The following ITGA11 variants were observed in gnomAD, a reference collection of about 807,000 sequenced individuals.
ITGA11 encodes integrin subunit alpha 11, also known as integrin alpha-11.
Under a neutral mutation model 141.9 loss-of-function variants are expected in ITGA11, and 97 were observed. The observed-to-expected ratio is 0.68, with a 90% CI of 0.58 to 0.81. The LOEUF is 0.81. ITGA11 is among the 30% of genes least tolerant of loss of function. The pLI is 0.00. For missense variants in ITGA11, 1,387 were observed against 1,559.2 expected, an observed-to-expected ratio of 0.89 and a Z score of 1.86; for synonymous variants, 658 against 624.6, an observed-to-expected ratio of 1.05 and a Z score of -0.80.
Position 68,325,264 on chromosome 15 carries a change from G to A in ITGA11, c.2212-23C>T. On this transcript the variant is annotated intron_variant, in intron 17 of 29. Coordinates refer to ENST00000315757, the MANE Select transcript of ITGA11 (RefSeq NM_001004439.2). The surrounding 1 kb of genome is among the most constrained non-coding windows in gnomAD (Gnocchi z 5.5). ...GTCCTGGGGGGTGGAGATGAGGGCAGCGGTGAGGGAGGAGAGAACGTCATT... is the reference window on the plus strand; with the variant it reads ...GTCCTGGGGGGTGGAGATGAGGGCAACGGTGAGGGAGGAGAGAACGTCATT... 6.7e-7 allele frequency: 1 copy of A among 1,500,590 alleles called. No individual in the cohort carries two copies. Among genetic ancestry groups the A allele is most frequent in the South Asian group, 1.1e-5 (1 of 88,748 alleles). The allele number at this position is 1,500,590 out of a possible 1,614,324, so 93.0% of individuals were successfully genotyped here.
chr15:68,377,146 G>A (rs1895749317), intron 2 of ITGA11, among the ~76,000 whole-genome samples: 1 of 152,142 alleles, frequency 6.6e-6, no homozygotes, highest in African/African-American at 2.4e-5. Context: ...AAGAAAATAT[G>A]TAATAAATAA....
intron 16 of ITGA11, among the ~76,000 whole-genome samples, chr15:68,327,125 C>A (rs951219634): frequency 3.9e-5 from 6 of 151,968 alleles, no homozygotes; most frequent in African/African-American, 9.7e-5. Context: ...GTCAACAACC[C>A]CCTCCGCCTC....
At chr15:68,424,010 G>A (rs529182028) in intron 1 of ITGA11, among the ~76,000 whole-genome samples, 30 of 152,268 alleles carry the variant, frequency 2.0e-4, no homozygotes, top group African/African-American at 6.5e-4. Flanking sequence ...CCCCAGTGCC[G>A]GTGCATCTGT....
At chr15:68,320,636 C>A (rs1893773738) in intron 19 of ITGA11, among the ~76,000 whole-genome samples, 1 of 152,192 alleles carries the variant, frequency 6.6e-6, no homozygotes, top group Non-Finnish European at 1.5e-5. Flanking sequence ...TCCGCTGAAC[C>A]CAGAGCTCTT....
intron 11 of ITGA11, among the ~76,000 whole-genome samples, chr15:68,336,736 T>C (rs1216123772): frequency 6.6e-6 from 1 of 152,234 alleles, no homozygotes; most frequent in Non-Finnish European, 1.5e-5. Context: ...CCTGGGCTGT[T>C]TCTGGGGAAC....
intron 1 of ITGA11, among the ~76,000 whole-genome samples, chr15:68,405,501 TG>T (rs1312772596): frequency 2.6e-5 from 4 of 152,092 alleles, no homozygotes; most frequent in Non-Finnish European, 4.4e-5. Context: ...GTCATGGCCC[TG>T]GAGTGGGGGT....
chr15:68,312,351 TG>T (rs1282430726), intron 24 of ITGA11, among the ~76,000 whole-genome samples: 2 of 152,162 alleles, frequency 1.3e-5, no homozygotes, highest in African/African-American at 4.8e-5. Context: ...GAGAAGGTGA[TG>T]GCTGGAGCTG....
At chr15:68,379,952 T>C (rs181974716) in intron 2 of ITGA11, among the ~76,000 whole-genome samples, 1 of 152,354 alleles carries the variant, frequency 6.6e-6, no homozygotes, top group African/African-American at 2.4e-5. Flanking sequence ...TGATCTGGGC[T>C]GGTGTGCTTG....
chr15:68,431,137 G>A (rs573039513), intron 1 of ITGA11, among the ~76,000 whole-genome samples: 31 of 152,346 alleles, frequency 2.0e-4, no homozygotes, highest in Non-Finnish European at 3.4e-4. Flanking sequence ...TGGAGCCGGG[G>A]AGCCCGGTGT....
intron 2 of ITGA11, among the ~76,000 whole-genome samples, chr15:68,383,127 C>T (rs563634191): frequency 1.5e-4 from 23 of 152,202 alleles, no homozygotes; most frequent in African/African-American, 4.3e-4. Context: ...AAAGATTAGC[C>T]GGGCGTGGTG....
intron 10 of ITGA11, among the ~76,000 whole-genome samples, chr15:68,347,753 T>C (rs573983713): frequency 6.6e-6 from 1 of 152,336 alleles, no homozygotes; most frequent in South Asian, 2.1e-4. Flanking sequence ...TTGAATTCTT[T>C]ATGTGTAAAC....
intron 16 of ITGA11, 127 bp downstream of exon 16, chr15:68,327,969 C>T (rs577355656): frequency 5.8e-6 from 5 of 859,916 alleles, no homozygotes; most frequent in Admixed American, 5.4e-5. Flanking sequence ...CAGTAGTCAT[C>T]CAAGGTGGCT....
Position 68,328,202 on chromosome 15 carries a change from G to T in ITGA11, c.1962C>A (p.Ile654=). The T allele has an allele frequency of 6.2e-7, 1 of 1,613,974 alleles. No individual in the cohort carries two copies. Among genetic ancestry groups the T allele is most frequent in the Non-Finnish European group, 8.5e-7 (1 of 1,179,884 alleles). The change falls in exon 16 of 30, where the codon ATC becomes ATA. Residue 654 remains isoleucine, a synonymous_variant. Coordinates refer to ENST00000315757, the MANE Select transcript of ITGA11 (RefSeq NM_001004439.2). The surrounding 1 kb of genome is among the most constrained non-coding windows in gnomAD (Gnocchi z 4.8). ...SLHFEPSKIN[I]FHRDCKRSGR... is the part of the protein sequence containing the mutation. ...CACTGCGCTTGCAGTCTCTGTGGAA[G>T]ATGTTGATCTTGGATGGCTCAAAGT...
rs1238719280 is a variant in ITGA11 at position 68,297,779 on chromosome 15, CAT to C, written c.*5278_*5279del. 1 of 152,150 alleles carries C rather than the reference CAT, an allele frequency of 6.6e-6. No homozygotes were observed. The highest frequency in any genetic ancestry group is 2.4e-5 in the African/African-American group (1 of 41,426). 9.4% of individuals were successfully genotyped at this position (152,150 alleles called of 1,614,324 possible). ...GTGGTATTGGAGCACACCCTCAGGA[CAT>C]GTTTGTTTTCAAATTTAGATTCTCT... On this transcript the variant is annotated 3_prime_UTR_variant, in exon 30 of 30. Transcript: ENST00000315757.
rs560441351 is a variant in ITGA11 at position 68,424,371 on chromosome 15, C to T, written c.52+7644G>A. On this transcript the variant is annotated intron_variant, in intron 1 of 29. Transcript: ENST00000315757. ...ACCCTAGGCAAGTCATTTTCCTTCCCTGGAGAGTGTTTGGTTTTTTTTGCT... is the reference window on the plus strand; with the variant it reads ...ACCCTAGGCAAGTCATTTTCCTTCCTTGGAGAGTGTTTGGTTTTTTTTGCT... Among the ~76,000 whole-genome samples, 49 of 152,092 alleles carry T rather than the reference C, an allele frequency of 3.2e-4. 1 individual carries two copies. Among genetic ancestry groups the T allele is most frequent in the African/African-American group, 9.4e-4 (39 of 41,436 alleles).
In ITGA11 at chr15:68,325,368, G is replaced by T; in HGVS notation, c.2212-127C>A. The T allele has an allele frequency of 4.4e-6, 3 of 679,354 alleles. No individual in the cohort carries two copies. The South Asian group carries it at 5.1e-5, about 12-fold the overall frequency. 42.1% of individuals were successfully genotyped at this position (679,354 alleles called of 1,614,324 possible). ...CAGGGCAGCTGCCCTGTGCCCTCAG[G>T]GTGAGTCTGCAGGTGGATGGAGGTT... is the stretch of plus-strand genomic sequence containing the variant. On this transcript the variant is annotated intron_variant, in intron 17 of 29. Transcript: ENST00000315757. This position sits in a 1 kb window ranked among gnomAD's most constrained non-coding sequence, Gnocchi z 5.5.
At chr15:68,426,696 G>A (rs542463798) in intron 1 of ITGA11, among the ~76,000 whole-genome samples, 73 of 152,186 alleles carry the variant, frequency 4.8e-4, no homozygotes, top group Middle Eastern at 3.4e-3. Context: ...CTGTCTTTCT[G>A]TGCCCTCAAG....
chr15:68,339,554 C>T lies in ITGA11; in HGVS notation c.1222G>A (p.Glu408Lys), dbSNP rs375137509. 1.2e-5 allele frequency: 19 copies of T among 1,613,860 alleles called. No individual in the cohort carries two copies. Among genetic ancestry groups the T allele is most frequent in the Non-Finnish European group, 1.4e-5 (16 of 1,179,896 alleles). ...TCGGGGAACTCTTTCAGGTAGGACTCGCGGAGAGGAATGACCTTCCCGGCA... is the reference window on the plus strand; with the variant it reads ...TCGGGGAACTCTTTCAGGTAGGACTTGCGGAGAGGAATGACCTTCCCGGCA... Reference protein sequence around the residue: ...TSAGKVIPLRESYLKEFPEEL... With the variant: ...TSAGKVIPLRKSYLKEFPEEL... Residue 408 changes from glutamate to lysine, a missense_variant, in exon 11 of 30, where the codon GAG becomes AAG. Transcript: ENST00000315757.
At chr15:68,379,138 C>T (rs536527090) in intron 2 of ITGA11, among the ~76,000 whole-genome samples, 6 of 152,206 alleles carry the variant, frequency 3.9e-5, no homozygotes, top group Admixed American at 6.5e-5. Context: ...CAGTCACACG[C>T]GGCTGCTCGT....
Sources: allele counts gnomAD v4.1 joint callset (sites outside exome capture counted in the v4.1 genomes callset), GRCh38; gene constraint gnomAD v4.1.1; non-coding constraint Gnocchi (gnomAD v3.1); transcripts MANE v1.5; gene names NCBI Gene and HGNC (gene_info 2026-07-23, HGNC 2026-07-21).